NEK1: variants seen among roughly 807,000 people sequenced by gnomAD.
The protein encoded by NEK1 is serine/threonine-protein kinase Nek1.
In NEK1, 137 loss-of-function variants were observed where a neutral mutation model predicts 182.1. The observed-to-expected ratio is 0.75, with a 90% CI of 0.65 to 0.87. The LOEUF is 0.87. NEK1 is among the 40% of genes least tolerant of loss of function. NEK1 has a pLI of 0.00. For synonymous variants in NEK1, 513 were observed against 492.2 expected (o/e 1.04, Z -0.56); for missense variants, 1,391 against 1,494.4 (o/e 0.93, Z 1.14).
intron 19 of NEK1, among the ~76,000 whole-genome samples, chr4:169,516,167 G>C (rs1322363953): frequency 1.7e-5 from 1 of 57,840 alleles, no homozygotes; most frequent in Non-Finnish European, 2.9e-5. Context: ...AGCACCTGTT[G>C]TTTCCTGACT....
intron 31 of NEK1, among the ~76,000 whole-genome samples, chr4:169,423,256 C>T (rs1051798454): frequency 6.6e-6 from 1 of 152,150 alleles, no homozygotes; most frequent in African/African-American, 2.4e-5. Context: ...GCCCACACGA[C>T]CACGCCCAGC....
intron 31 of NEK1, among the ~76,000 whole-genome samples, chr4:169,412,414 G>C (rs1001502586): frequency 6.6e-6 from 1 of 152,142 alleles, no homozygotes; most frequent in Non-Finnish European, 1.5e-5. Context: ...AAGCCTCCTT[G>C]TAAAAGGCTT....
At chr4:169,497,271 T>G (rs1300218532) in intron 23 of NEK1, among the ~76,000 whole-genome samples, 2 of 152,224 alleles carry the variant, frequency 1.3e-5, no homozygotes, top group Admixed American at 1.3e-4. Context: ...CATTTTTTAT[T>G]GCATCTATTT....
chr4:169,524,315 T>C lies in NEK1; in HGVS notation c.1665+13494A>G, dbSNP rs912026938. 3.3e-5 allele frequency among the ~76,000 whole-genome samples: 5 copies of C among 152,014 alleles called. No homozygotes were observed. In the South Asian group the frequency reaches 1.0e-3, roughly 31 times the overall value. On this transcript the variant is annotated intron_variant, in intron 19 of 35. Transcript: ENST00000507142. ...TCCTGTCTCTACTAAAAATACAAAATTAGCTGAGTGTGGTGGCGCATGCCT... is the reference window on the plus strand; with the variant it reads ...TCCTGTCTCTACTAAAAATACAAAACTAGCTGAGTGTGGTGGCGCATGCCT...
chr4:169,546,844 C>G (rs756460824), intron 18 of NEK1, among the ~76,000 whole-genome samples: 1 of 152,132 alleles, frequency 6.6e-6, no homozygotes, highest in African/African-American at 2.4e-5. Context: ...TTCCTCCATC[C>G]CTTTATTTTG....
intron 18 of NEK1, among the ~76,000 whole-genome samples, chr4:169,542,142 G>A (rs60207859): frequency 6.6e-6 from 1 of 151,950 alleles, no homozygotes; most frequent in Admixed American, 6.6e-5. Flanking sequence ...TCTACATTAG[G>A]TGTTTCTCCA....
chr4:169,476,783 T>C (rs1463114834), intron 26 of NEK1, among the ~76,000 whole-genome samples: 1 of 152,122 alleles, frequency 6.6e-6, no homozygotes, highest in Non-Finnish European at 1.5e-5. Flanking sequence ...GACACTACCC[T>C]GGTTCTCATC....
chr4:169,512,076 T>C (rs1754282230), intron 19 of NEK1, among the ~76,000 whole-genome samples: 2 of 152,126 alleles, frequency 1.3e-5, no homozygotes, highest in African/African-American at 4.8e-5. Context: ...TTTCTATGAA[T>C]ATTCATGAAT....
intron 27 of NEK1, among the ~76,000 whole-genome samples, chr4:169,448,811 G>GT (rs1741093387): frequency 6.6e-6 from 1 of 152,248 alleles, no homozygotes; most frequent in Admixed American, 6.5e-5. Flanking sequence ...TGGTTGGACA[G>GT]TGGGTGCAGC....
chr4:169,601,437 A>T (rs892291059), intron 4 of NEK1, among the ~76,000 whole-genome samples: 2 of 152,176 alleles, frequency 1.3e-5, no homozygotes, highest in African/African-American at 2.4e-5. Context: ...TATTAAATAT[A>T]ATGCATATAG....
At chr4:169,537,553 C>G (rs911834814) in intron 19 of NEK1, among the ~76,000 whole-genome samples, 21 of 152,110 alleles carry the variant, frequency 1.4e-4, no homozygotes, top group African/African-American at 4.6e-4. Context: ...AGGAAGGATA[C>G]AGGTATGAAC....
chr4:169,604,061 T>G (rs1456028750), intron 2 of NEK1, among the ~76,000 whole-genome samples: 2 of 152,210 alleles, frequency 1.3e-5, no homozygotes, highest in Admixed American at 6.5e-5. Flanking sequence ...TCTTTAATCA[T>G]TTTATACTGA....
intron 35 of NEK1, among the ~76,000 whole-genome samples, chr4:169,397,899 T>C (rs1452652018): frequency 6.6e-6 from 1 of 152,224 alleles, no homozygotes; most frequent in African/African-American, 2.4e-5. Context: ...ACATTGTTGC[T>C]GATTACTTAT....
chr4:169,396,421 T>TAATGCTAA (rs1488976824), intron 35 of NEK1, among the ~76,000 whole-genome samples: 1 of 133,450 alleles, frequency 7.5e-6, no homozygotes, highest in Admixed American at 8.0e-5. Context: ...CTTGGGCCGC[T>TAATGCTAA]AATGCTAATA....
At chr4:169,482,216 C>T (rs112246230) in intron 23 of NEK1, among the ~76,000 whole-genome samples, 70 of 152,292 alleles carry the variant, frequency 4.6e-4, no homozygotes, top group African/African-American at 1.6e-3. Context: ...GAGAATGTTG[C>T]GGCTGGTTTG....
chr4:169,402,775 T>G (rs1308278319), intron 32 of NEK1, among the ~76,000 whole-genome samples: 1 of 152,202 alleles, frequency 6.6e-6, no homozygotes, highest in Admixed American at 6.5e-5. Flanking sequence ...AGCACTGAAA[T>G]CTAGTCTTTG....
intron 27 of NEK1, among the ~76,000 whole-genome samples, chr4:169,447,205 T>C (rs557047760): frequency 1.4e-4 from 21 of 152,316 alleles, no homozygotes; most frequent in Non-Finnish European, 2.6e-4. Flanking sequence ...ACTTTGTGTC[T>C]GGCAGCAGAC....
intron 23 of NEK1, among the ~76,000 whole-genome samples, chr4:169,484,754 A>G (rs1165502899): frequency 2.0e-5 from 3 of 152,188 alleles, no homozygotes; most frequent in Non-Finnish European, 2.9e-5. Context: ...TGTACATTCA[A>G]ATCCCAAAAC....
intron 16 of NEK1, among the ~76,000 whole-genome samples, chr4:169,558,016 A>G (rs944808831): frequency 1.3e-5 from 2 of 152,178 alleles, no homozygotes; most frequent in African/African-American, 2.4e-5. Flanking sequence ...GTGTAACCCA[A>G]TAAGACAAAA....
Sources: allele counts gnomAD v4.1 joint callset (sites outside exome capture counted in the v4.1 genomes callset), GRCh38; gene constraint gnomAD v4.1.1; transcripts MANE v1.5; gene names NCBI Gene and HGNC (gene_info 2026-07-23, HGNC 2026-07-21).